KANK1: variants seen among roughly 807,000 people sequenced by gnomAD.
KANK1 encodes KN motif and ankyrin repeat domain-containing protein 1.
A neutral mutation model predicts 106.2 loss-of-function variants in KANK1; 109 were observed. That is an observed-to-expected ratio of 1.03 (90% CI 0.88 to 1.20). The LOEUF (loss-of-function observed/expected upper bound fraction) is 1.20, where lower values mean the gene tolerates loss of function less well. Among genes scored for constraint, KANK1 ranks in the 50% most tolerant of loss-of-function variants. The pLI is 0.00. For missense variants in KANK1, 2,399 were observed against 1,710.7 expected, an observed-to-expected ratio of 1.40 and a Z score of -7.10; for synonymous variants, 873 against 652.2, an observed-to-expected ratio of 1.34 and a Z score of -5.16.
At chr9:592,616 A>G (rs920866936) in intron 1 of KANK1, among the ~76,000 whole-genome samples, 7 of 151,912 alleles carry the variant, frequency 4.6e-5, no homozygotes, top group Non-Finnish European at 5.9e-5. Flanking sequence ...TCTAACCACA[A>G]GATTGCACAG....
intron 1 of KANK1, among the ~76,000 whole-genome samples, chr9:531,630 T>G (rs986123109): frequency 6.6e-6 from 1 of 152,176 alleles, no homozygotes; most frequent in Non-Finnish European, 1.5e-5. Context: ...TCTCAGGTGA[T>G]GAAAATACAG....
At position 745,280 on chromosome 9, in the gene KANK1, T is replaced by C; in HGVS notation, c.*45T>C. The C allele has an allele frequency of 6.2e-7, 1 of 1,611,334 alleles. No homozygotes were observed. The highest frequency in any genetic ancestry group is 1.3e-5 in the African/African-American group (1 of 75,006). ...TATTTACATGCCACTATTAAGCTGC[T>C]AATTGTTCCTGTTGGGGTGACAGAT... On this transcript the variant is annotated 3_prime_UTR_variant, in exon 12 of 12. Transcript: ENST00000382297.
At chr9:657,159 G>C (rs1388787734) in intron 1 of KANK1, among the ~76,000 whole-genome samples, 1 of 152,186 alleles carries the variant, frequency 6.6e-6, no homozygotes, top group Non-Finnish European at 1.5e-5. Context: ...TTAGCATAGT[G>C]TCTTCAAGTT....
intron 4 of KANK1, chr9:730,623 G>A (rs1047276639): frequency 3.1e-5 from 9 of 292,202 alleles, no homozygotes; most frequent in South Asian, 6.6e-5. Flanking sequence ...AACCTGGGAG[G>A]TGGAGGTTGC....
chr9:524,064 A>G (rs2059671995), intron 1 of KANK1, among the ~76,000 whole-genome samples: 1 of 151,684 alleles, frequency 6.6e-6, no homozygotes, highest in Non-Finnish European at 1.5e-5. Flanking sequence ...AGAACCCATT[A>G]TGTGAGGAAA....
At chr9:607,506 A>G (rs1829522872) in intron 1 of KANK1, among the ~76,000 whole-genome samples, 1 of 150,760 alleles carries the variant, frequency 6.6e-6, no homozygotes, top group Non-Finnish European at 1.5e-5. Context: ...AAAAAAAAAA[A>G]AGGAGATGGC....
chr9:589,977 C>G (rs1824439836), intron 1 of KANK1, among the ~76,000 whole-genome samples: 1 of 152,148 alleles, frequency 6.6e-6, no homozygotes, highest in Non-Finnish European at 1.5e-5. Context: ...ATGTAACTAT[C>G]TGAGGATGTT....
intron 2 of KANK1, among the ~76,000 whole-genome samples, chr9:692,050 A>T (rs570891348): frequency 6.6e-6 from 1 of 152,120 alleles, no homozygotes; most frequent in Non-Finnish European, 1.5e-5. Context: ...TAAAACAGAG[A>T]TCAACAAAGA....
In KANK1 at chr9:700,224, C is replaced by T. The variant is rs114193382; in HGVS notation, c.38-10580C>T. Among the ~76,000 whole-genome samples the T allele has an allele frequency of 4.9e-3, 739 of 152,302 alleles. 9 individuals carry two copies. The highest frequency in any genetic ancestry group is 0.017 in the African/African-American group (698 of 41,546). On this transcript the variant is annotated intron_variant, in intron 2 of 11. Coordinates refer to ENST00000382297, the MANE Select transcript of KANK1 (RefSeq NM_015158.5). The stretch of plus-strand genomic sequence containing the variant: ...ATGCAAGAGCAAAAGAAAATCTCAT[C>T]TGTTATACATTTCCTTTAAACCAGA...
intron 1 of KANK1, among the ~76,000 whole-genome samples, chr9:544,268 C>A (rs1048147927): frequency 6.6e-5 from 10 of 152,174 alleles, no homozygotes; most frequent in African/African-American, 2.4e-4. Flanking sequence ...CAAGCCACCC[C>A]CCACTTGGCC....
chr9:587,728 C>CTT (rs1413299570), intron 1 of KANK1, among the ~76,000 whole-genome samples: 2 of 152,120 alleles, frequency 1.3e-5, no homozygotes, highest in Non-Finnish European at 2.9e-5. Context: ...TCTCATAACC[C>CTT]TTGGTACTTT....
At chr9:672,720 T>A (rs1410367563) in intron 1 of KANK1, among the ~76,000 whole-genome samples, 1 of 152,228 alleles carries the variant, frequency 6.6e-6, no homozygotes, top group Non-Finnish European at 1.5e-5. Context: ...TTTTAGCTAA[T>A]GTAAAGTATT....
intron 1 of KANK1, among the ~76,000 whole-genome samples, chr9:659,037 T>C (rs1397606305): frequency 6.6e-6 from 1 of 152,220 alleles, no homozygotes; most frequent in Non-Finnish European, 1.5e-5. Flanking sequence ...GCATTTAGCA[T>C]AATACGTTTA....
intron 1 of KANK1, among the ~76,000 whole-genome samples, chr9:561,837 G>T (rs1318300194): frequency 6.6e-6 from 1 of 152,184 alleles, no homozygotes; most frequent in African/African-American, 2.4e-5. Context: ...ACTGTCAAGA[G>T]TCTGTAACAG....
chr9:734,607 A>C, intron 6 of KANK1, 141 bp from the exon 7 acceptor site: 1 of 562,902 alleles, frequency 1.8e-6, no homozygotes. Flanking sequence ...CGGAGGTTGC[A>C]GTGAGCCAAG....
At chr9:570,440 G>C (rs1818883546) in intron 1 of KANK1, among the ~76,000 whole-genome samples, 1 of 152,192 alleles carries the variant, frequency 6.6e-6, no homozygotes, top group African/African-American at 2.4e-5. Flanking sequence ...CGTATAAACA[G>C]AAATCTAGAC....
At chr9:526,802 A>G (rs997436651) in intron 1 of KANK1, among the ~76,000 whole-genome samples, 8 of 151,718 alleles carry the variant, frequency 5.3e-5, no homozygotes, top group Non-Finnish European at 1.2e-4. Flanking sequence ...TTGAGAAAGC[A>G]TGCTTATCAT....
intron 3 of KANK1, among the ~76,000 whole-genome samples, chr9:725,602 T>C (rs1198970986): frequency 6.6e-6 from 1 of 152,068 alleles, no homozygotes; most frequent in Non-Finnish European, 1.5e-5. Flanking sequence ...CCAGTCAAAG[T>C]AGACCACCTG....
intron 3 of KANK1, among the ~76,000 whole-genome samples, chr9:483,522 C>T (rs993337613): frequency 6.6e-6 from 1 of 152,148 alleles, no homozygotes; most frequent in Non-Finnish European, 1.5e-5. Context: ...ACCTATGAGT[C>T]TTAGTTTTCT....
Sources: gnomAD v4.1 joint callset for allele counts (sites outside exome capture counted in the v4.1 genomes callset) on GRCh38, gnomAD v4.1.1 for gene constraint, MANE v1.5 for transcripts, NCBI Gene and HGNC (gene_info 2026-07-23, HGNC 2026-07-21) for gene names.